ATP8A1: variants seen among roughly 807,000 people sequenced by gnomAD.
ATP8A1 encodes ATPase phospholipid transporting 8A1, also known as phospholipid-transporting ATPase IA.
Under a neutral mutation model 177.7 loss-of-function variants are expected in ATP8A1, and 90 were observed. The observed-to-expected ratio is 0.51, with a 90% CI of 0.43 to 0.60. The LOEUF is 0.60. ATP8A1 is among the 20% of genes least tolerant of loss of function. The pLI is 0.00. For missense variants in ATP8A1, 1,072 were observed against 1,392.8 expected, an observed-to-expected ratio of 0.77 and a Z score of 3.67; for synonymous variants, 493 against 485.9, an observed-to-expected ratio of 1.01 and a Z score of -0.19.
chr4:42,555,139 A>AATCT (rs1553903247), intron 16 of ATP8A1, among the ~76,000 whole-genome samples: 2,222 of 58,912 alleles, frequency 0.038, 43 homozygotes, highest in African/African-American at 0.051. Flanking sequence ...CTATCTATCT[A>AATCT]ATCTATCTAT....
intron 4 of ATP8A1, among the ~76,000 whole-genome samples, chr4:42,623,689 G>A (rs10021908): frequency 0.23 from 34,249 of 151,876 alleles, 4,316 homozygotes; most frequent in Non-Finnish European, 0.29. Context: ...ATACTGAGGC[G>A]CATTGGAGGG....
At chr4:42,595,945 C>T (rs953037213) in intron 6 of ATP8A1, among the ~76,000 whole-genome samples, 2 of 152,184 alleles carry the variant, frequency 1.3e-5, no homozygotes, top group African/African-American at 4.8e-5. Context: ...AAACCAGGGG[C>T]TTACTAAATG....
chr4:42,416,108 C>T (rs1713210919), intron 35 of ATP8A1, among the ~76,000 whole-genome samples: 1 of 152,110 alleles, frequency 6.6e-6, no homozygotes, highest in African/African-American at 2.4e-5. Flanking sequence ...TGAGAAAGGG[C>T]CATTTTTACA....
intron 25 of ATP8A1, chr4:42,472,315 T>C (rs1720516668): frequency 1.9e-6 from 1 of 512,920 alleles, no homozygotes; most frequent in Non-Finnish European, 3.8e-6. Flanking sequence ...TGAAACTTTT[T>C]CTGGTGTCTA....
intron 24 of ATP8A1, among the ~76,000 whole-genome samples, chr4:42,500,273 G>A (rs1436376487): frequency 6.6e-6 from 1 of 152,180 alleles, no homozygotes; most frequent in Non-Finnish European, 1.5e-5. Context: ...GCTGAGTCAG[G>A]AGAATCGCTT....
intron 1 of ATP8A1, among the ~76,000 whole-genome samples, chr4:42,631,788 A>G (rs1055475858): frequency 6.6e-6 from 1 of 152,168 alleles, no homozygotes; most frequent in African/African-American, 2.4e-5. Flanking sequence ...AGGCCTAGGA[A>G]CCAATCTAGC....
Position 42,627,102 on chromosome 4 carries a change from C to T in ATP8A1, c.57G>A (p.Glu19=), listed in dbSNP as rs1441830125. The T allele has an allele frequency of 6.2e-7, 1 of 1,611,976 alleles. No individual in the cohort carries two copies. The highest frequency in any genetic ancestry group is 2.2e-5 in the East Asian group (1 of 44,880). ...SEIRSRAEGY[E]KTDDVSEKTS... ...TCTTCTCTGAAACATCATCTGTCTT[C>T]TCATAACCTTAAAAAGAGATCTTCT... Residue 19 remains glutamate, a synonymous_variant, in exon 2 of 37, where the codon GAG becomes GAA. Transcript: ENST00000381668.
chr4:42,614,199 G>A (rs749162178), intron 5 of ATP8A1, among the ~76,000 whole-genome samples: 1 of 152,066 alleles, frequency 6.6e-6, no homozygotes, highest in East Asian at 1.9e-4. Flanking sequence ...TACGTACCCA[G>A]AAGGGTGGAG....
chr4:42,641,989 GT>G (rs1318348850), intron 1 of ATP8A1, among the ~76,000 whole-genome samples: 2,055 of 145,990 alleles, frequency 0.014, 49 homozygotes, highest in African/African-American at 0.048. Flanking sequence ...ACTCACCTTT[GT>G]TTTTTTTTTT....
intron 33 of ATP8A1, 36 bp from the exon 34 acceptor site, chr4:42,423,741 C>T (rs1214173513): frequency 1.5e-6 from 2 of 1,352,878 alleles, no homozygotes; most frequent in African/African-American, 1.4e-5. Flanking sequence ...TACTTTAAAA[C>T]CAAAAAATAC....
Position 42,590,837 on chromosome 4 carries a change from T to C in ATP8A1, c.498A>G (p.Pro166=). The C allele has an allele frequency of 6.2e-7, 1 of 1,613,560 alleles. No homozygotes were observed. Among genetic ancestry groups the C allele is most frequent in the East Asian group, 2.2e-5 (1 of 44,844 alleles). Reference sequence around the variant, plus strand: ...TTGAGGACAGACTGATGAGATCTGCTGGGAGATGTTCCCCATTGGTCACTT... The same window carrying C: ...TTGAGGACAGACTGATGAGATCTGCCGGGAGATGTTCCCCATTGGTCACTT... The part of the protein sequence containing the change: ...IVKVTNGEHL[P]ADLISLSSSE... The change falls in exon 7 of 37, where the codon CCA becomes CCG. Residue 166 remains proline (P), a synonymous_variant. Coordinates refer to ENST00000381668, the MANE Select transcript of ATP8A1 (RefSeq NM_006095.2).
At chr4:42,502,055 T>C (rs73235588) in intron 24 of ATP8A1, among the ~76,000 whole-genome samples, 22,026 of 152,122 alleles carry the variant, frequency 0.14, 1,813 homozygotes, top group East Asian at 0.26. Flanking sequence ...CTTTTTTTTT[T>C]TCAAAAAAGA....
In ATP8A1 at chr4:42,410,568, G is replaced by A. The variant is rs1161237442; in HGVS notation, c.*2348C>T. ...GTTATATTTTAAGTTTCACCAAGAA[G>A]GTCATTCCCTGTCCCTCAAACCCCA... On this transcript the variant is annotated 3_prime_UTR_variant, in exon 37 of 37. Coordinates refer to ENST00000381668, the MANE Select transcript of ATP8A1 (RefSeq NM_006095.2). 6.6e-6 allele frequency: 1 copy of A among 152,124 alleles called. No individual in the cohort carries two copies. The highest frequency in any genetic ancestry group is 1.5e-5 in the Non-Finnish European group (1 of 68,012). The allele number at this position is 152,124 out of a possible 1,614,324, so 9.4% of individuals were successfully genotyped here.
At chr4:42,438,021 G>T (rs895125701) in intron 33 of ATP8A1, among the ~76,000 whole-genome samples, 2 of 151,914 alleles carry the variant, frequency 1.3e-5, no homozygotes, top group Non-Finnish European at 2.9e-5. Flanking sequence ...CAACCAGATG[G>T]AACTAAGTAC....
chr4:42,564,056 C>G (rs943739875), intron 15 of ATP8A1, among the ~76,000 whole-genome samples: 7 of 152,208 alleles, frequency 4.6e-5, no homozygotes, highest in Non-Finnish European at 1.0e-4. Flanking sequence ...CATTGCACTA[C>G]TGCACTCCAG....
intron 16 of ATP8A1, among the ~76,000 whole-genome samples, chr4:42,555,117 C>T (rs1289807368): frequency 1.0e-5 from 1 of 96,664 alleles, no homozygotes; most frequent in Non-Finnish European, 2.1e-5. Flanking sequence ...ATCTATCTAT[C>T]TATCTATCTA....
chr4:42,650,982 G>C (rs948109280), intron 1 of ATP8A1, among the ~76,000 whole-genome samples: 21 of 152,196 alleles, frequency 1.4e-4, no homozygotes, highest in Admixed American at 1.2e-3. Context: ...ACATGTCGTA[G>C]AGGAACCCAG....
chr4:42,577,473 G>C (rs1321115644), intron 12 of ATP8A1, among the ~76,000 whole-genome samples: 1 of 151,994 alleles, frequency 6.6e-6, no homozygotes, highest in Non-Finnish European at 1.5e-5. Context: ...CCCTAATATT[G>C]TTCATATTGA....
At chr4:42,597,283 A>C (rs968121533) in intron 6 of ATP8A1, among the ~76,000 whole-genome samples, 3 of 152,178 alleles carry the variant, frequency 2.0e-5, no homozygotes, top group African/African-American at 7.2e-5. Context: ...TTTTATTTTT[A>C]ATTGGACTAA....
Sources: gnomAD v4.1 joint callset for allele counts (sites outside exome capture counted in the v4.1 genomes callset) on GRCh38, gnomAD v4.1.1 for gene constraint, MANE v1.5 for transcripts, NCBI Gene and HGNC (gene_info 2026-07-23, HGNC 2026-07-21) for gene names.